RASA3: variants seen among roughly 807,000 people sequenced by gnomAD.
The protein encoded by RASA3 is ras GTPase-activating protein 3.
A neutral mutation model predicts 110.0 loss-of-function variants in RASA3; 73 were observed. That is an observed-to-expected ratio of 0.66 (90% confidence interval 0.55 to 0.81). The LOEUF (loss-of-function observed/expected upper bound fraction) is 0.81. Ranked by LOEUF, RASA3 falls within the 30% of genes least tolerant of loss-of-function variation. The pLI, the probability that RASA3 is intolerant of heterozygous loss-of-function variation, is 0.00. For missense variants in RASA3, 976 were observed against 1,113.2 expected (o/e 0.88, Z 1.75); for synonymous variants, 500 against 451.4 (o/e 1.11, Z -1.37).
At chr13:114,019,063 T>C in intron 9 of RASA3, 144 bp from the exon 10 acceptor site, 1 of 1,058,718 alleles carries the variant, frequency 9.4e-7, no homozygotes, top group Non-Finnish European at 1.3e-6. Flanking sequence ...CCCTGGGGAC[T>C]CCCCACCGAA....
chr13:113,995,741 C>T (rs890738730), intron 21 of RASA3, among the ~76,000 whole-genome samples: 15 of 14,332 alleles, frequency 1.0e-3, no homozygotes, highest in South Asian at 2.9e-3. Context: ...GCCCGGCTGA[C>T]GGGGGCCCGG....
At chr13:114,036,955 G>A (rs367958435) in intron 4 of RASA3, among the ~76,000 whole-genome samples, 6 of 152,300 alleles carry the variant, frequency 3.9e-5, no homozygotes, top group East Asian at 3.9e-4. Flanking sequence ...GGAGAGCAGC[G>A]GGCATTGGAG....
intron 4 of RASA3, among the ~76,000 whole-genome samples, chr13:114,034,084 G>A (rs548658868): frequency 4.0e-5 from 6 of 151,774 alleles, no homozygotes; most frequent in East Asian, 3.9e-4. Flanking sequence ...AACACCAGCC[G>A]GGCAGTGGGC....
At position 114,052,152 on chromosome 13, in the gene RASA3, C is replaced by T. The variant is rs112307957; in HGVS notation, c.177G>A (p.Pro59=). The T allele has an allele frequency of 2.0e-5, 32 of 1,609,854 alleles. No homozygotes were observed. The highest frequency in any genetic ancestry group is 4.0e-5 in the African/African-American group (3 of 74,954). ...CACAGTAAAAGTCTTCTCCGTAAAA[C>T]GGGCTAGTGAGACAAAGAAAAGCGC... ...RTKIVEKSLC[P]FYGEDFYCEI... Residue 59 remains proline, a synonymous_variant, in exon 3 of 24, where the codon CCG becomes CCA. Coordinates refer to ENST00000334062, the MANE Select transcript of RASA3 (RefSeq NM_007368.4).
chr13:114,125,951 C>T (rs1353126015), intron 1 of RASA3, among the ~76,000 whole-genome samples: 46 of 79,254 alleles, frequency 5.8e-4, no homozygotes, highest in African/African-American at 1.6e-3. Flanking sequence ...TGCCCAACCT[C>T]GCACCCTCCA....
chr13:114,083,022 C>T (rs2079807399), intron 1 of RASA3, among the ~76,000 whole-genome samples: 1 of 152,198 alleles, frequency 6.6e-6, no homozygotes. Flanking sequence ...AGCTGGTTCT[C>T]AAAAAGTGCG....
chr13:114,083,001 C>T (rs2079807137), intron 1 of RASA3, among the ~76,000 whole-genome samples: 3 of 152,236 alleles, frequency 2.0e-5, no homozygotes, highest in Non-Finnish European at 4.4e-5. Context: ...AGAGGCAACG[C>T]ACCCTCTGCT....
At chr13:114,069,429 GC>G (rs2079515397) in intron 2 of RASA3, among the ~76,000 whole-genome samples, 1 of 129,922 alleles carries the variant, frequency 7.7e-6, no homozygotes, top group African/African-American at 2.9e-5. Flanking sequence ...CACACGGGGG[GC>G]TGGGAGACTC....
At chr13:113,999,253 C>T (rs1375482528) in intron 20 of RASA3, among the ~76,000 whole-genome samples, 1 of 152,182 alleles carries the variant, frequency 6.6e-6, no homozygotes, top group Non-Finnish European at 1.5e-5. Context: ...TCCAGACGGT[C>T]CCAAGCCTGC....
At chr13:114,122,794 G>A (rs575601067) in intron 1 of RASA3, among the ~76,000 whole-genome samples, 6 of 152,232 alleles carry the variant, frequency 3.9e-5, no homozygotes, top group East Asian at 1.9e-4. Context: ...CCGGCAGGTC[G>A]GCCCCAGCCC....
intron 2 of RASA3, among the ~76,000 whole-genome samples, chr13:114,071,179 G>A (rs887064715): frequency 1.3e-5 from 2 of 152,212 alleles, no homozygotes; most frequent in Non-Finnish European, 2.9e-5. Context: ...GTGCAGTGAT[G>A]TAATCATGGC....
chr13:114,042,020 G>A (rs1440409295), intron 3 of RASA3, among the ~76,000 whole-genome samples: 2 of 152,302 alleles, frequency 1.3e-5, no homozygotes, highest in Middle Eastern at 3.4e-3. Flanking sequence ...GTACTTTGGG[G>A]CTACGCTTCC....
intron 14 of RASA3, 121 bp downstream of exon 14, chr13:114,015,088 G>C: frequency 7.5e-7 from 1 of 1,335,880 alleles, no homozygotes; most frequent in Non-Finnish European, 1.0e-6. Context: ...ATCGGAACTG[G>C]GGTTCACGAC....
At chr13:114,005,482 G>C (rs955459637) in intron 18 of RASA3, among the ~76,000 whole-genome samples, 1 of 148,174 alleles carries the variant, frequency 6.7e-6, no homozygotes, top group South Asian at 2.1e-4. Flanking sequence ...CAAGGTCACC[G>C]AGAAGGTGGC....
chr13:113,991,175 G>GCA (rs2053102808), intron 22 of RASA3, among the ~76,000 whole-genome samples: 1 of 67,384 alleles, frequency 1.5e-5, no homozygotes. Flanking sequence ...ATGGGCAGCT[G>GCA]TGCGGACACC....
chr13:114,110,807 G>A (rs2080207787), intron 1 of RASA3, among the ~76,000 whole-genome samples: 1 of 152,220 alleles, frequency 6.6e-6, no homozygotes, highest in African/African-American at 2.4e-5. Flanking sequence ...CCGGACACCG[G>A]CAGGTTTGAC....
At chr13:114,080,959 C>T (rs74189569) in intron 1 of RASA3, among the ~76,000 whole-genome samples, 1,633 of 129,316 alleles carry the variant, frequency 0.013, no homozygotes, top group East Asian at 0.041. Flanking sequence ...GGCAGAGGGC[C>T]GTCCACCTAG....
intron 2 of RASA3, among the ~76,000 whole-genome samples, chr13:114,066,339 T>C (rs559141279): frequency 6.6e-6 from 1 of 152,120 alleles, no homozygotes; most frequent in South Asian, 2.1e-4. Context: ...AGTGAGGCCC[T>C]GGTGGGAAAA....
chr13:114,018,627 A>G, intron 10 of RASA3, 136 bp downstream of exon 10: 1 of 1,153,648 alleles, frequency 8.7e-7, no homozygotes, highest in Non-Finnish European at 1.2e-6. Context: ...TGGACGGGAA[A>G]CAGGCCAGGC....
Sources: allele counts gnomAD v4.1 joint callset (sites outside exome capture counted in the v4.1 genomes callset), GRCh38; gene constraint gnomAD v4.1.1; transcripts MANE v1.5; gene names NCBI Gene and HGNC (gene_info 2026-07-23, HGNC 2026-07-21).